AFF1: variants seen among roughly 807,000 people sequenced by gnomAD.
AFF1 encodes the protein ALF transcription elongation factor 1.
Under a neutral mutation model 121.7 loss-of-function variants are expected in AFF1, and 48 were observed. The ratio of observed to expected loss-of-function variants is 0.39; its 90% CI spans 0.31 to 0.50. The LOEUF (loss-of-function observed/expected upper bound fraction) is 0.50, where lower values mean the gene tolerates loss of function less well. Ranked by LOEUF, AFF1 falls within the 20% of genes least tolerant of loss-of-function variation. AFF1 has a pLI of 0.76. For missense variants in AFF1, 1,523 were observed against 1,511.7 expected, an observed-to-expected ratio of 1.01 and a Z score of -0.12; for synonymous variants, 613 against 563.0, an observed-to-expected ratio of 1.09 and a Z score of -1.26.
chr4:87,019,972 C>G (rs1163265220), intron 2 of AFF1, among the ~76,000 whole-genome samples: 1 of 149,962 alleles, frequency 6.7e-6, no homozygotes. Flanking sequence ...GGAAAATCTC[C>G]TCCTCCCACG....
chr4:87,083,247 G>A (rs969763751), intron 4 of AFF1, among the ~76,000 whole-genome samples: 1 of 152,136 alleles, frequency 6.6e-6, no homozygotes, highest in Non-Finnish European at 1.5e-5. Context: ...ATCATTATTT[G>A]TTTAGCTGGG....
chr4:86,995,362 GC>G (rs1180198479), intron 2 of AFF1, among the ~76,000 whole-genome samples: 1 of 142,450 alleles, frequency 7.0e-6, no homozygotes, highest in Non-Finnish European at 1.5e-5. Flanking sequence ...CTGATGCCGA[GC>G]CGAAGCTGGA....
At chr4:86,985,214 T>TATATATATATATATAAAA in intron 2 of AFF1, among the ~76,000 whole-genome samples, 1 of 104,548 alleles carries the variant, frequency 9.6e-6, no homozygotes, top group African/African-American at 3.3e-5. Flanking sequence ...TATATATATA[T>TATATATATATATATAAAA]AAAATTATAT....
intron 8 of AFF1, among the ~76,000 whole-genome samples, chr4:87,099,627 T>C (rs1273094208): frequency 2.6e-5 from 4 of 152,238 alleles, no homozygotes; most frequent in Non-Finnish European, 5.9e-5. Flanking sequence ...CAGGCTTGTC[T>C]TGAACTCCTG....
chr4:87,110,416 G>A (rs559729554), intron 11 of AFF1, among the ~76,000 whole-genome samples: 1 of 150,568 alleles, frequency 6.6e-6, no homozygotes, highest in East Asian at 2.0e-4. Context: ...TGTTGTGCTG[G>A]CAAATACTAG....
chr4:87,012,520 G>T (rs1372992431), intron 2 of AFF1, among the ~76,000 whole-genome samples: 1 of 152,022 alleles, frequency 6.6e-6, no homozygotes, highest in Non-Finnish European at 1.5e-5. Context: ...TAACTTTTAC[G>T]GGTTAAATGA....
chr4:87,069,004 G>GGTTCA (rs1560594521), intron 4 of AFF1, among the ~76,000 whole-genome samples: 2 of 152,288 alleles, frequency 1.3e-5, no homozygotes, highest in East Asian at 3.9e-4. Flanking sequence ...GGAGGATGGA[G>GGTTCA]GGTAGGGAAA....
At chr4:87,022,506 A>C (rs1728003736) in intron 2 of AFF1, among the ~76,000 whole-genome samples, 1 of 137,000 alleles carries the variant, frequency 7.3e-6, no homozygotes. Context: ...CAAATAAATC[A>C]AGGACCCCTC....
chr4:87,139,549 T>C lies in AFF1; in HGVS notation c.*3848T>C. The C allele has an allele frequency of 4.3e-6, 1 of 230,872 alleles. No homozygotes were observed. The highest frequency in any genetic ancestry group is 8.6e-6 in the Non-Finnish European group (1 of 116,392). 14.3% of individuals were successfully genotyped at this position (230,872 alleles called of 1,614,324 possible). On this transcript the variant is annotated 3_prime_UTR_variant, in exon 21 of 21. Transcript: ENST00000395146. ...TTTAGAAACACAAGAGTATAGATTT[T>C]TCTCACTGAAAAGTGAGAGTTACGC...
chr4:86,942,242 C>G (rs71605693), intron 1 of AFF1, among the ~76,000 whole-genome samples: 9,472 of 152,176 alleles, frequency 0.062, 421 homozygotes, highest in Non-Finnish European at 0.088. Context: ...GAAATGAGGA[C>G]AATGCCTTGT....
At position 87,115,178 on chromosome 4, in the gene AFF1, A is replaced by G; in HGVS notation, c.2345A>G (p.Gln782Arg). The change falls in exon 12 of 21, where the codon CAG becomes CGG. Residue 782 changes from glutamine to arginine, a missense_variant. Physicochemically the swap from Gln to Arg is conservative, Grantham distance 43. Transcript: ENST00000395146. ...ITLDLLSRIPQPPGKGSRQRK... is the reference protein window; with the variant it reads ...ITLDLLSRIPRPPGKGSRQRK... ...CTAGACCTGCTCTCTCGGATACCCC[A>G]GCCTCCCGGGAAGGGGAGCCGCCAG... 1 of 1,614,204 alleles carries G rather than the reference A, an allele frequency of 6.2e-7. No individual in the cohort carries two copies. Among genetic ancestry groups the G allele is most frequent in the Non-Finnish European group, 8.5e-7 (1 of 1,180,044 alleles).
chr4:86,940,334 G>T (rs1720360944), intron 1 of AFF1, among the ~76,000 whole-genome samples: 1 of 152,206 alleles, frequency 6.6e-6, no homozygotes, highest in African/African-American at 2.4e-5. Context: ...ATTTTCCAAA[G>T]GGTTATGTGA....
At chr4:87,024,824 A>T (rs1728367266) in intron 2 of AFF1, among the ~76,000 whole-genome samples, 1 of 152,056 alleles carries the variant, frequency 6.6e-6, no homozygotes, top group Admixed American at 6.5e-5. Flanking sequence ...AAGCTCCTGG[A>T]CTCAAGTGAT....
At chr4:86,944,735 G>A (rs1279090341) in intron 1 of AFF1, among the ~76,000 whole-genome samples, 1 of 152,206 alleles carries the variant, frequency 6.6e-6, no homozygotes. Flanking sequence ...AGGTTTGGAA[G>A]CACTTAATGA....
intron 4 of AFF1, among the ~76,000 whole-genome samples, chr4:87,058,582 T>C (rs1391719569): frequency 1.3e-5 from 2 of 151,636 alleles, no homozygotes; most frequent in African/African-American, 4.8e-5. Context: ...GAAGGAGGTG[T>C]TCTCAACTCC....
intron 2 of AFF1, among the ~76,000 whole-genome samples, chr4:87,024,840 C>A (rs369231289): frequency 1.3e-5 from 2 of 152,180 alleles, no homozygotes; most frequent in Non-Finnish European, 2.9e-5. Flanking sequence ...GTGATCCACC[C>A]GCCTCGGCCT....
intron 2 of AFF1, among the ~76,000 whole-genome samples, chr4:87,037,944 AT>A (rs1729732085): frequency 6.6e-6 from 1 of 152,134 alleles, no homozygotes; most frequent in Non-Finnish European, 1.5e-5. Context: ...GGTTGATTTA[AT>A]TTTGCAAAAT....
chr4:87,065,168 G>T lies in AFF1; in HGVS notation c.1059+17574G>T, dbSNP rs28374293. ...TTACAAAGGAAAGAGGTTTAGTGGA[G>T]AACTCACAGTTCCACATGGAAGCCT... On this transcript the variant is annotated intron_variant, in intron 4 of 20. Transcript: ENST00000395146. 7.4e-3 allele frequency among the ~76,000 whole-genome samples: 1,130 copies of T among 152,328 alleles called. 13 individuals are homozygous for T. The highest frequency in any genetic ancestry group is 0.025 in the African/African-American group (1,056 of 41,558).
At chr4:87,035,032 A>C (rs936859858) in intron 2 of AFF1, among the ~76,000 whole-genome samples, 1 of 152,234 alleles carries the variant, frequency 6.6e-6, no homozygotes, top group Non-Finnish European at 1.5e-5. Context: ...ACACATATAT[A>C]AAGTCTATCT....
Sources: gnomAD v4.1 joint callset for allele counts (sites outside exome capture counted in the v4.1 genomes callset) on GRCh38, gnomAD v4.1.1 for gene constraint, MANE v1.5 for transcripts, NCBI Gene and HGNC (gene_info 2026-07-23, HGNC 2026-07-21) for gene names.